The following INA variants were observed in gnomAD, a reference collection of about 807,000 sequenced individuals.
INA encodes internexin neuronal intermediate filament protein alpha, also known as alpha-internexin.
Under a neutral mutation model 40.1 loss-of-function variants are expected in INA, and 35 were observed. The observed-to-expected ratio is 0.87, with a 90% CI of 0.67 to 1.16. The LOEUF (loss-of-function observed/expected upper bound fraction) is 1.16, where lower values mean the gene tolerates loss of function less well. Ranked by LOEUF, INA falls within the 50% of genes most tolerant of loss-of-function variation. The pLI, the probability that INA is intolerant of heterozygous loss-of-function variation, is 0.00. For synonymous variants in INA, 290 were observed against 316.9 expected (o/e 0.92, Z 0.90); for missense variants, 594 against 686.7 (o/e 0.87, Z 1.51).
At chr10:103,280,931 G>C in intron 1 of INA, 1 of 985,384 alleles carries the variant, frequency 1.0e-6, no homozygotes, top group Non-Finnish European at 1.2e-6. Flanking sequence ...GGTACTCAGG[G>C]TCTCAGACCT....
At position 103,277,948 on chromosome 10, in the gene INA, C is replaced by T. The variant is rs1167534812; in HGVS notation, c.737C>T (p.Ser246Leu). ...CTGCTGGCCACGCTGCAGGCGTCGT[C>T]GCAGGCCGCGGCCGAGGTGGACGTG... Reference protein sequence around the residue: ...AELLATLQASSQAAAEVDVTV... With the variant: ...AELLATLQASLQAAAEVDVTV... The change falls in exon 1 of 3, where the codon TCG becomes TTG. Residue 246 changes from serine (S) to leucine (L), a missense_variant. This residue lies in a region of INA where 379 missense variants were observed against 496.1 expected (regional missense o/e 0.76). Transcript: ENST00000369849. The surrounding 1 kb of genome is among the most constrained non-coding windows in gnomAD (Gnocchi z 5.6). 1.9e-6 allele frequency: 3 copies of T among 1,558,714 alleles called. No individual in the cohort carries two copies. Among genetic ancestry groups the T allele is most frequent in the Non-Finnish European group, 2.6e-6 (3 of 1,151,918 alleles).
At position 103,280,606 on chromosome 10, in the gene INA, GT is replaced by G. The variant is rs2093070508; in HGVS notation, c.1065+2331del. On this transcript the variant is annotated intron_variant, in intron 1 of 2. Coordinates refer to ENST00000369849, the MANE Select transcript of INA (RefSeq NM_032727.4). Reference sequence around the variant, plus strand: ...TGAAACATAGGAAGGCCCCATTAAAGTCCCATCTTCTCTGCCCCAGATAGCT... The same window carrying G: ...TGAAACATAGGAAGGCCCCATTAAAGCCCATCTTCTCTGCCCCAGATAGCT... The G allele has an allele frequency of 4.1e-6, 4 of 985,278 alleles. No homozygotes were observed. The South Asian group carries it at 1.9e-4, about 46-fold the overall frequency. The allele number at this position is 985,278 out of a possible 1,614,324, so 61.0% of individuals were successfully genotyped here. A position where few individuals can be genotyped will look rare whatever the true frequency, so the allele number is the denominator to read the frequency against.
In INA at chr10:103,278,024, G is replaced by A; in HGVS notation, c.813G>A (p.Gln271=). ...LTSALREIRA[Q]YESLAAKNLQ... is the part of the protein sequence containing the mutation. ...CGGCTCTGAGGGAGATCCGCGCCCA[G>A]TATGAGTCCCTGGCCGCTAAGAACC... The change falls in exon 1 of 3, where the codon CAG becomes CAA. Residue 271 remains glutamine, a synonymous_variant. Transcript: ENST00000369849. The surrounding 1 kb of genome is among the most constrained non-coding windows in gnomAD (Gnocchi z 4.9). 3.1e-6 allele frequency: 5 copies of A among 1,610,906 alleles called. No individual in the cohort carries two copies. Among genetic ancestry groups the A allele is most frequent in the Non-Finnish European group, 4.2e-6 (5 of 1,178,726 alleles).
In INA at chr10:103,287,126, A is replaced by G. The variant is rs2093088102; in HGVS notation, c.1157A>G (p.Lys386Arg). Reference protein sequence around the residue: ...LREYQDLLNVKMALDIEIAAY... With the variant: ...LREYQDLLNVRMALDIEIAAY... ...GAATACCAGGACTTGCTCAATGTCA[A>G]AATGGCTCTTGACATTGAGATAGCA... The change falls in exon 2 of 3, where the codon AAA (lysine) becomes AGA (arginine). Residue 386 changes from lysine to arginine, a missense_variant. By Grantham distance (26) the Lys-to-Arg change is conservative. Around this residue, in one of 2 missense-constraint regions of INA, gnomAD observed 379 missense variants for 496.1 expected, o/e 0.76. Transcript: ENST00000369849. 6.2e-7 allele frequency: 1 copy of G among 1,613,926 alleles called. No individual in the cohort carries two copies. Among genetic ancestry groups the G allele is most frequent in the Non-Finnish European group, 8.5e-7 (1 of 1,179,930 alleles).
At position 103,279,104 on chromosome 10, in the gene INA, G is replaced by C. The variant is rs868646972; in HGVS notation, c.1065+828G>C. The stretch of plus-strand genomic sequence containing the variant: ...GTTATGAATCTCTAGGCAATTAACT[G>C]CTTTGATTTTTTTTTTCCTGCAACA... On this transcript the variant is annotated intron_variant, in intron 1 of 2. Coordinates refer to ENST00000369849, the MANE Select transcript of INA (RefSeq NM_032727.4). Among the ~76,000 whole-genome samples the C allele has an allele frequency of 3.0e-4, 45 of 152,156 alleles. 1 individual carries two copies. Among genetic ancestry groups the C allele is most frequent in the Middle Eastern group, 3.4e-3 (1 of 294 alleles).
intron 1 of INA, among the ~76,000 whole-genome samples, chr10:103,285,515 C>T (rs1364108909): frequency 2.1e-5 from 3 of 144,862 alleles, no homozygotes; most frequent in East Asian, 4.1e-4. Flanking sequence ...TGGCTGGTCT[C>T]GAACTCCCGA....
At chr10:103,286,705 A>T (rs2093087006) in intron 1 of INA, among the ~76,000 whole-genome samples, 1 of 152,130 alleles carries the variant, frequency 6.6e-6, no homozygotes, top group African/African-American at 2.4e-5. Flanking sequence ...AAAAAAAAAA[A>T]AAATCATCTC....
In INA at chr10:103,288,876, A is replaced by G. The variant is rs891541421; in HGVS notation, c.*207A>G. 2 of 407,998 alleles carry G rather than the reference A, an allele frequency of 4.9e-6. No individual in the cohort carries two copies. Among genetic ancestry groups the G allele is most frequent in the Non-Finnish European group, 8.7e-6 (2 of 229,186 alleles). 25.3% of individuals were successfully genotyped at this position (407,998 alleles called of 1,614,324 possible). On this transcript the variant is annotated 3_prime_UTR_variant, in exon 3 of 3. Transcript: ENST00000369849. ...AACTGCAGTCCTGGAGCAATCACAG[A>G]TGAGTTATCTAAGAATACAGCTTTC...
At position 103,278,136 on chromosome 10, in the gene INA, C is replaced by T; in HGVS notation, c.925C>T (p.Arg309Cys). ...ARSTEAIRAS[R>C]EEIHEYRRQL... The stretch of plus-strand genomic sequence containing the variant: ...CAGCACCGAGGCCATCCGGGCCAGC[C>T]GCGAGGAGATCCACGAGTATCGGCG... The change falls in exon 1 of 3, where the codon CGC (arginine) becomes TGC (cysteine). Residue 309 changes from arginine to cysteine, a missense_variant. Physicochemically the swap from Arg to Cys is radical, Grantham distance 180 (BLOSUM62 -3). Transcript: ENST00000369849. This position sits in a 1 kb window ranked among gnomAD's most constrained non-coding sequence, Gnocchi z 4.9. The T allele has an allele frequency of 6.2e-7, 1 of 1,613,094 alleles. No individual in the cohort carries two copies. Among genetic ancestry groups the T allele is most frequent in the African/African-American group, 1.3e-5 (1 of 75,042 alleles).
At position 103,280,528 on chromosome 10, in the gene INA, G is replaced by A. The variant is rs2093070383; in HGVS notation, c.1065+2252G>A. 5 of 985,434 alleles carry A rather than the reference G, an allele frequency of 5.1e-6. No homozygotes were observed. In the African/African-American group the frequency reaches 8.7e-5, roughly 17 times the overall value. 61.0% of individuals were successfully genotyped at this position (985,434 alleles called of 1,614,324 possible). A position where few individuals can be genotyped will look rare whatever the true frequency, so the allele number is the denominator to read the frequency against. On this transcript the variant is annotated intron_variant, in intron 1 of 2. Coordinates refer to ENST00000369849, the MANE Select transcript of INA (RefSeq NM_032727.4). ...AATGGGAGGCTGTTCTCCTTCTTCT[G>A]CTACAGAGATTAGTGGTAGGGCCAT...
rs912332682 is a variant in INA at position 103,290,174 on chromosome 10, T to C, written c.*1505T>C. ...TCCATGTCTCCTTTAAGAGCTCTGGTGATAAGGACATGATGCTTTTACTGA... is the reference window on the plus strand; with the variant it reads ...TCCATGTCTCCTTTAAGAGCTCTGGCGATAAGGACATGATGCTTTTACTGA... On this transcript the variant is annotated 3_prime_UTR_variant, in exon 3 of 3. Transcript: ENST00000369849. 6.6e-6 allele frequency: 1 copy of C among 152,670 alleles called. No homozygotes were observed. The highest frequency in any genetic ancestry group is 2.4e-5 in the African/African-American group (1 of 41,452). 9.5% of individuals were successfully genotyped at this position (152,670 alleles called of 1,614,324 possible).
At position 103,277,693 on chromosome 10, in the gene INA, G is replaced by T. The variant is rs1177391167; in HGVS notation, c.482G>T (p.Arg161Leu). 2.2e-6 allele frequency: 3 copies of T among 1,370,334 alleles called. No individual in the cohort carries two copies. The South Asian group carries it at 5.2e-5, about 24-fold the overall frequency. 84.9% of individuals were successfully genotyped at this position (1,370,334 alleles called of 1,614,324 possible). A position where few individuals can be genotyped will look rare whatever the true frequency, so the allele number is the denominator to read the frequency against. ...RAQLEEASSA[R>L]SQALLERDGL... ...CAGCTGGAGGAGGCCAGCTCGGCTCGCTCGCAGGCCCTGCTGGAGCGCGAC... is the reference window on the plus strand; with the variant it reads ...CAGCTGGAGGAGGCCAGCTCGGCTCTCTCGCAGGCCCTGCTGGAGCGCGAC... The change falls in exon 1 of 3, where the codon CGC becomes CTC. Residue 161 changes from arginine (R) to leucine (L), a missense_variant. Coordinates refer to ENST00000369849, the MANE Select transcript of INA (RefSeq NM_032727.4). The surrounding 1 kb of genome is among the most constrained non-coding windows in gnomAD (Gnocchi z 5.6).
rs768045833 is a variant in INA, at chr10:103,288,342, T to TC, written c.1191-17dup. The TC allele has an allele frequency of 1.8e-5, 28 of 1,577,076 alleles. No homozygotes were observed. The highest frequency in any genetic ancestry group is 2.4e-5 in the Non-Finnish European group (28 of 1,165,518). On this transcript the variant is annotated splice_polypyrimidine_tract_variant and intron_variant, in intron 2 of 2. Coordinates refer to ENST00000369849, the MANE Select transcript of INA (RefSeq NM_032727.4). ...AAGTTATTGACTTCCTAAGAGTTTTTCTCTGTTGAATTTACAGGAAACTGC... is the reference window on the plus strand; with the variant it reads ...AAGTTATTGACTTCCTAAGAGTTTTTCCTCTGTTGAATTTACAGGAAACTGC...
rs766879145 is a variant in INA, at chr10:103,277,424, G to A, written c.213G>A (p.Ala71=). 6 of 1,562,086 alleles carry A rather than the reference G, an allele frequency of 3.8e-6. No individual in the cohort carries two copies. Among genetic ancestry groups the A allele is most frequent in the Non-Finnish European group, 5.2e-6 (6 of 1,160,060 alleles). Residue 71 remains alanine, a synonymous_variant, in exon 1 of 3, where the codon GCG becomes GCA. Transcript: ENST00000369849. The surrounding 1 kb of genome is among the most constrained non-coding windows in gnomAD (Gnocchi z 5.6). ...GCCTGGCCTATCGCCGGCCGCCGGC[G>A]TCCGACGGGCTGGACCTGAGCCAGG... ...GLGLAYRRPP[A]SDGLDLSQAA...
In INA at chr10:103,277,457, G is replaced by T. The variant is rs745374711; in HGVS notation, c.246G>T (p.Ala82=). Residue 82 remains alanine (A), a synonymous_variant, in exon 1 of 3, where the codon GCG becomes GCT. Coordinates refer to ENST00000369849, the MANE Select transcript of INA (RefSeq NM_032727.4). The surrounding 1 kb of genome is among the most constrained non-coding windows in gnomAD (Gnocchi z 5.6). ...SDGLDLSQAA[A]RTNEYKIIRT... ...GGCTGGACCTGAGCCAGGCGGCGGC[G>T]CGCACCAACGAGTACAAGATCATCC... 37 of 1,574,132 alleles carry T rather than the reference G, an allele frequency of 2.4e-5. 1 individual carries two copies. The South Asian group carries it at 3.7e-4, about 16-fold the overall frequency.
In INA at chr10:103,278,364, T is replaced by A; in HGVS notation, c.1065+88T>A. On this transcript the variant is annotated intron_variant, in intron 1 of 2. Transcript: ENST00000369849. The surrounding 1 kb of genome is among the most constrained non-coding windows in gnomAD (Gnocchi z 4.9). The stretch of plus-strand genomic sequence containing the variant: ...TCTGGTAAAACTGGGCCCCAGGACT[T>A]AAGGGGAGGGCAAAAGAGAGGAGAG... The A allele has an allele frequency of 8.9e-7, 1 of 1,119,106 alleles. No homozygotes were observed. Among genetic ancestry groups the A allele is most frequent in the Non-Finnish European group, 1.2e-6 (1 of 804,744 alleles). 69.3% of individuals were successfully genotyped at this position (1,119,106 alleles called of 1,614,324 possible). A position where few individuals can be genotyped will look rare whatever the true frequency, so the allele number is the denominator to read the frequency against.
At chr10:103,282,740 AT>A (rs143041255) in intron 1 of INA, among the ~76,000 whole-genome samples, 1,926 of 151,416 alleles carry the variant, frequency 0.013, 51 homozygotes, top group African/African-American at 0.045. Context: ...CAAAATTGTT[AT>A]TAAAAAAAAA....
chr10:103,287,280 G>T, intron 2 of INA, 121 bp downstream of exon 2: 1 of 1,071,782 alleles, frequency 9.3e-7, no homozygotes, highest in South Asian at 1.6e-5. Context: ...GGCATCACTG[G>T]CCCCTTTCAG....
rs2093093083 is a variant in INA at position 103,288,878 on chromosome 10, G to A, written c.*209G>A. 7.4e-6 allele frequency: 3 copies of A among 402,934 alleles called. No individual in the cohort carries two copies. Among genetic ancestry groups the A allele is most frequent in the Non-Finnish European group, 1.3e-5 (3 of 226,188 alleles). The allele number at this position is 402,934 out of a possible 1,614,324, so 25.0% of individuals were successfully genotyped here. A position where few individuals can be genotyped will look rare whatever the true frequency, so the allele number is the denominator to read the frequency against. On this transcript the variant is annotated 3_prime_UTR_variant, in exon 3 of 3. Transcript: ENST00000369849. ...CTGCAGTCCTGGAGCAATCACAGATGAGTTATCTAAGAATACAGCTTTCTG... is the reference window on the plus strand; with the variant it reads ...CTGCAGTCCTGGAGCAATCACAGATAAGTTATCTAAGAATACAGCTTTCTG...
Sources: allele counts gnomAD v4.1 joint callset (sites outside exome capture counted in the v4.1 genomes callset), GRCh38; gene constraint gnomAD v4.1.1; regional missense constraint gnomAD v4.1.1; non-coding constraint Gnocchi (gnomAD v3.1); transcripts MANE v1.5; gene names NCBI Gene and HGNC (gene_info 2026-07-23, HGNC 2026-07-21).